Variants in TIPRL observed in about 807,000 individuals in gnomAD.
TIPRL encodes the protein TOR signaling pathway regulator.
TIPRL carries 10 observed loss-of-function variants against 32.3 expected under a neutral mutation model. That is an observed-to-expected ratio of 0.31 (90% CI 0.19 to 0.52). The LOEUF (loss-of-function observed/expected upper bound fraction) is 0.52, where lower values mean the gene tolerates loss of function less well. Among genes scored for constraint, TIPRL ranks in the 20% least tolerant of loss-of-function variants. TIPRL has a pLI of 0.96. For missense variants in TIPRL, 250 were observed against 328.1 expected (o/e 0.76, Z 1.84); for synonymous variants, 100 against 114.0 (o/e 0.88, Z 0.78).
Position 168,199,533 on chromosome 1 carries a change from G to C in TIPRL, c.676-370G>C, listed in dbSNP as rs139585946. Among the ~76,000 whole-genome samples the C allele has an allele frequency of 1.0e-3, 153 of 152,162 alleles. 1 individual carries two copies. Among genetic ancestry groups the C allele is most frequent in the Admixed American group, 1.8e-3 (28 of 15,262 alleles). ...TAGTATGTACTTCTGTCTGGGTATA[G>C]AGTATACTTGGAACAGAAAAGTTAC... On this transcript the variant is annotated intron_variant, in intron 6 of 6. Transcript: ENST00000367833.
intron 1 of TIPRL, among the ~76,000 whole-genome samples, chr1:168,180,054 A>G (rs1051185187): frequency 6.6e-6 from 1 of 152,210 alleles, no homozygotes; most frequent in Non-Finnish European, 1.5e-5. Flanking sequence ...TCTGACAACC[A>G]CTGGGTGTAA....
chr1:168,192,361 A>T lies in TIPRL; in HGVS notation c.516+861A>T, dbSNP rs150220600. ...AGAGCAAGACTCCGTCTCAAAAAAAAAAAATAAAATAAAATAAAAGAAGTA... is the reference window on the plus strand; with the variant it reads ...AGAGCAAGACTCCGTCTCAAAAAAATAAAATAAAATAAAATAAAAGAAGTA... On this transcript the variant is annotated intron_variant, in intron 4 of 6. Coordinates refer to ENST00000367833, the MANE Select transcript of TIPRL (RefSeq NM_152902.5). 9.7e-3 allele frequency: 9,803 copies of T among 1,015,262 alleles called. 80 individuals carry two copies. The highest frequency in any genetic ancestry group is 0.031 in the African/African-American group (1,830 of 58,522). 62.9% of individuals were successfully genotyped at this position (1,015,262 alleles called of 1,614,324 possible).
intron 1 of TIPRL, among the ~76,000 whole-genome samples, chr1:168,181,346 G>A (rs982732255): frequency 6.6e-6 from 1 of 151,574 alleles, no homozygotes; most frequent in African/African-American, 2.4e-5. Flanking sequence ...CAAGTAGCTG[G>A]GATTACAGGC....
intron 1 of TIPRL, 22 bp downstream of exon 1, chr1:168,179,203 T>C: frequency 6.2e-7 from 1 of 1,611,064 alleles, no homozygotes; most frequent in Non-Finnish European, 8.5e-7. Context: ...GGGCACGGGG[T>C]CTGGGCGCTG....
At chr1:168,183,377 A>AT (rs55731463) in intron 1 of TIPRL, among the ~76,000 whole-genome samples, 4,292 of 129,732 alleles carry the variant, frequency 0.033, 111 homozygotes, top group Middle Eastern at 0.084. Context: ...AATTCCTGTG[A>AT]TTTTTTTTTT....
At position 168,192,361 on chromosome 1, in the gene TIPRL, AAAAAT is replaced by A. The variant is rs533336656; in HGVS notation, c.516+876_516+880del. 571 of 1,015,300 alleles carry A rather than the reference AAAAAT, an allele frequency of 5.6e-4. 3 individuals are homozygous for A. Among genetic ancestry groups the A allele is most frequent in the African/African-American group, 4.1e-4 (24 of 58,528 alleles). The allele number at this position is 1,015,300 out of a possible 1,614,324, so 62.9% of individuals were successfully genotyped here. ...AGAGCAAGACTCCGTCTCAAAAAAA[AAAAAT>A]AAAATAAAATAAAAGAAGTAGAAAA... On this transcript the variant is annotated intron_variant, in intron 4 of 6. Transcript: ENST00000367833.
chr1:168,185,905 T>C (rs1193821432), intron 3 of TIPRL, among the ~76,000 whole-genome samples: 1 of 149,426 alleles, frequency 6.7e-6, no homozygotes, highest in Non-Finnish European at 1.5e-5. Context: ...TGAAACCCCA[T>C]CTCTACTAAA....
At chr1:168,190,242 G>C (rs796645324) in intron 3 of TIPRL, among the ~76,000 whole-genome samples, 6 of 152,168 alleles carry the variant, frequency 3.9e-5, no homozygotes, top group African/African-American at 1.4e-4. Context: ...CCTTATACCT[G>C]CTCCGTACAC....
chr1:168,199,344 C>T (rs763729884), intron 6 of TIPRL, among the ~76,000 whole-genome samples: 1 of 152,018 alleles, frequency 6.6e-6, no homozygotes, highest in African/African-American at 2.4e-5. Flanking sequence ...TTTTCTCTTC[C>T]GAAAATGTGG....
At chr1:168,193,351 T>A (rs750742508) in intron 4 of TIPRL, among the ~76,000 whole-genome samples, 3 of 152,210 alleles carry the variant, frequency 2.0e-5, no homozygotes, top group Non-Finnish European at 4.4e-5. Context: ...TGAAACTAAT[T>A]GCAAAGTTTT....
Position 168,191,492 on chromosome 1 carries a change from G to A in TIPRL, c.508G>A (p.Val170Met). The A allele has an allele frequency of 6.7e-7, 1 of 1,495,088 alleles. No individual in the cohort carries two copies. Among genetic ancestry groups the A allele is most frequent in the South Asian group, 1.4e-5 (1 of 70,216 alleles). The allele number at this position is 1,495,088 out of a possible 1,614,324, so 92.6% of individuals were successfully genotyped here. ...LHDHGVSSLS[V>M]KIRVMPSSFF... ...TGATCATGGAGTTTCAAGCCTGAGTGTGAAGATTGTGAGTATTATTTTTAT... is the reference window on the plus strand; with the variant it reads ...TGATCATGGAGTTTCAAGCCTGAGTATGAAGATTGTGAGTATTATTTTTAT... Residue 170 changes from valine (V) to methionine (M), a missense_variant, in exon 4 of 7, where the codon GTG (valine) becomes ATG (methionine). Transcript: ENST00000367833.
chr1:168,197,437 C>G (rs1354616227), intron 5 of TIPRL, among the ~76,000 whole-genome samples: 2 of 151,948 alleles, frequency 1.3e-5, no homozygotes, highest in Non-Finnish European at 2.9e-5. Context: ...AGTGATAGAC[C>G]TTTTTTCTTT....
At chr1:168,180,251 C>G (rs1699943386) in intron 1 of TIPRL, among the ~76,000 whole-genome samples, 1 of 152,114 alleles carries the variant, frequency 6.6e-6, no homozygotes, top group Non-Finnish European at 1.5e-5. Context: ...AAGGAAGAGT[C>G]TATGCTGATG....
chr1:168,199,134 T>C (rs181876114), intron 6 of TIPRL, among the ~76,000 whole-genome samples, 153 bp downstream of exon 6: 1 of 152,160 alleles, frequency 6.6e-6, no homozygotes, highest in Non-Finnish European at 1.5e-5. Context: ...TATGGGAGCA[T>C]AACTTTTCTG....
rs534307301 is a variant in TIPRL at position 168,200,120 on chromosome 1, A to T, written c.*74A>T. Reference sequence around the variant, plus strand: ...CTATTTGTAAGGGGTTATTTTTATTATGAGAATTAATTGCCTTGTTTATGT... The same window carrying T: ...CTATTTGTAAGGGGTTATTTTTATTTTGAGAATTAATTGCCTTGTTTATGT... On this transcript the variant is annotated 3_prime_UTR_variant, in exon 7 of 7. Coordinates refer to ENST00000367833, the MANE Select transcript of TIPRL (RefSeq NM_152902.5). The T allele has an allele frequency of 2.0e-6, 3 of 1,480,958 alleles. No individual in the cohort carries two copies. The East Asian group carries it at 7.0e-5, about 35-fold the overall frequency. The allele number at this position is 1,480,958 out of a possible 1,614,324, so 91.7% of individuals were successfully genotyped here.
intron 3 of TIPRL, among the ~76,000 whole-genome samples, chr1:168,186,669 C>G (rs756827161): frequency 6.6e-6 from 1 of 152,064 alleles, no homozygotes; most frequent in Non-Finnish European, 1.5e-5. Context: ...CACCTGTAAT[C>G]CCAGCACTTT....
In TIPRL at chr1:168,201,123, C is replaced by T. The variant is rs1479271139; in HGVS notation, c.*1077C>T. 1.3e-5 allele frequency: 2 copies of T among 152,076 alleles called. No individual in the cohort carries two copies. The highest frequency in any genetic ancestry group is 4.8e-5 in the African/African-American group (2 of 41,440). The allele number at this position is 152,076 out of a possible 1,614,324, so 9.4% of individuals were successfully genotyped here. ...CATTTGATTGTTTTCATAGTGACCC[C>T]TTAGTCATTTTATATTCTTGTCTGC... On this transcript the variant is annotated 3_prime_UTR_variant, in exon 7 of 7. Coordinates refer to ENST00000367833, the MANE Select transcript of TIPRL (RefSeq NM_152902.5).
chr1:168,191,346 C>A, intron 3 of TIPRL, 23 bp from the exon 4 acceptor site: 1 of 1,511,456 alleles, frequency 6.6e-7, no homozygotes. Context: ...TAATGTGCTC[C>A]TCTTTAAAAT....
intron 4 of TIPRL, among the ~76,000 whole-genome samples, chr1:168,193,836 A>G (rs185222292): frequency 6.6e-6 from 1 of 152,354 alleles, no homozygotes; most frequent in East Asian, 1.9e-4. Context: ...ACATATTTTA[A>G]CTATAAAATT....
Sources: allele counts gnomAD v4.1 joint callset (sites outside exome capture counted in the v4.1 genomes callset), GRCh38; gene constraint gnomAD v4.1.1; transcripts MANE v1.5; gene names NCBI Gene and HGNC (gene_info 2026-07-23, HGNC 2026-07-21).